The following DGKZ variants were observed in gnomAD, a reference collection of about 807,000 sequenced individuals.
The protein encoded by DGKZ is DAG kinase zeta.
In DGKZ, 45 loss-of-function variants were observed where a neutral mutation model predicts 142.5. The observed-to-expected ratio is 0.32, with a 90% CI of 0.25 to 0.40. DGKZ has a LOEUF of 0.40. Among genes scored for constraint, DGKZ ranks in the 10% least tolerant of loss-of-function variants. The probability of loss-of-function intolerance (pLI) is 1.00; values close to 1 mark genes in which losing one functional copy is unlikely to be tolerated. For missense variants in DGKZ, 755 were observed against 1,306.5 expected, an observed-to-expected ratio of 0.58 and a Z score of 6.51; for synonymous variants, 442 against 527.0, an observed-to-expected ratio of 0.84 and a Z score of 2.21.
At chr11:46,342,234 A>G (rs529804880) in intron 1 of DGKZ, among the ~76,000 whole-genome samples, 2 of 152,144 alleles carry the variant, frequency 1.3e-5, no homozygotes, top group Non-Finnish European at 2.9e-5. Context: ...GGCATCCTCC[A>G]TAGTCCCATG....
Position 46,374,588 on chromosome 11 carries a change from C to T in DGKZ, c.1462-16C>T, listed in dbSNP as rs1590620055. On this transcript the variant is annotated splice_polypyrimidine_tract_variant and intron_variant, in intron 16 of 30. Transcript: ENST00000527911. ...GATCTCTGTCAGCAGATGGTGACGC[C>T]CTCTGTCTCCCACAGACAGCTTTCT... 2 of 1,588,752 alleles carry T rather than the reference C, an allele frequency of 1.3e-6. No individual in the cohort carries two copies. Among genetic ancestry groups the T allele is most frequent in the Non-Finnish European group, 1.7e-6 (2 of 1,165,088 alleles).
At chr11:46,361,992 A>G (rs931229512) in intron 1 of DGKZ, 4 of 152,348 alleles carry the variant, frequency 2.6e-5, no homozygotes, top group African/African-American at 9.7e-5. Flanking sequence ...TTTTGACAGG[A>G]TCCCTGTGGT....
At chr11:46,374,570 G>C in intron 16 of DGKZ, 34 bp from the exon 17 acceptor site, 2 of 1,598,526 alleles carry the variant, frequency 1.3e-6, no homozygotes, top group Non-Finnish European at 1.7e-6. Flanking sequence ...AAAGATCTCT[G>C]TCAGCAGATG....
At chr11:46,376,654 T>A in intron 24 of DGKZ, 90 bp downstream of exon 24, 1 of 1,521,186 alleles carries the variant, frequency 6.6e-7, no homozygotes, top group South Asian at 1.1e-5. Context: ...GCTCCCCCGA[T>A]GGGCTCACCT....
intron 1 of DGKZ, among the ~76,000 whole-genome samples, chr11:46,354,783 C>G (rs1356220837): frequency 6.6e-6 from 1 of 152,224 alleles, no homozygotes; most frequent in Non-Finnish European, 1.5e-5. Flanking sequence ...TGATTTTACT[C>G]TGGTTTAAAT....
upstream of DGKZ, chr11:46,345,528 T>C: frequency 6.6e-7 from 1 of 1,525,416 alleles, no homozygotes. The surrounding 1 kb of genome is among the most constrained non-coding windows in gnomAD (Gnocchi z 4.1). Context: ...CTGAGGCAGA[T>C]GTGGCGCTAC....
rs1270104413 is a variant in DGKZ at position 46,371,793 on chromosome 11, C to T, written c.831+18C>T. The T allele has an allele frequency of 1.2e-6, 2 of 1,610,056 alleles. No individual in the cohort carries two copies. The highest frequency in any genetic ancestry group is 2.7e-5 in the African/African-American group (2 of 74,956). The stretch of plus-strand genomic sequence containing the variant: ...GGCCTGAGGTCAGCCCCAGGCTGGG[C>T]AGAGGCTGCAGGGGAGCAGGAGAGA... On this transcript the variant is annotated intron_variant, in intron 9 of 30. Transcript: ENST00000527911.
intron 1 of DGKZ, among the ~76,000 whole-genome samples, chr11:46,352,464 G>T (rs1010206739): frequency 6.6e-6 from 1 of 152,208 alleles, no homozygotes; most frequent in African/African-American, 2.4e-5. Flanking sequence ...CTGGGTGGGT[G>T]CCTCTAGCCT....
chr11:46,378,894 G>T, intron 27 of DGKZ, 97 bp from the exon 28 acceptor site: 8 of 1,473,800 alleles, frequency 5.4e-6, no homozygotes, highest in Non-Finnish European at 6.3e-6. Flanking sequence ...CTCGTTTCAG[G>T]CCTGTGCTGG....
chr11:46,344,835 G>A (rs1301015365), upstream of DGKZ, among the ~76,000 whole-genome samples: 1 of 152,088 alleles, frequency 6.6e-6, no homozygotes, highest in African/African-American at 2.4e-5. Context: ...TTTGTTTATA[G>A]GCTACCTTGT....
intron 6 of DGKZ, among the ~76,000 whole-genome samples, chr11:46,370,481 G>C (rs1166833892): frequency 1.3e-5 from 2 of 152,230 alleles, no homozygotes; most frequent in African/African-American, 2.4e-5. Flanking sequence ...CAAAGATGGA[G>C]AGGCTTGCTT....
At position 46,377,386 on chromosome 11, in the gene DGKZ, C is replaced by T. The variant is rs906244923; in HGVS notation, c.2342+174C>T. Reference sequence around the variant, plus strand: ...CCCTGTGGTTCTGTGGGGAAGCGGCCTCACGTCCACCCTGGTTCCCTCCCT... The same window carrying T: ...CCCTGTGGTTCTGTGGGGAAGCGGCTTCACGTCCACCCTGGTTCCCTCCCT... On this transcript the variant is annotated intron_variant, in intron 25 of 30. Coordinates refer to ENST00000527911, the Ensembl canonical transcript of DGKZ. 12 of 1,236,572 alleles carry T rather than the reference C, an allele frequency of 9.7e-6. No homozygotes were observed. In the East Asian group the frequency reaches 1.4e-4, roughly 15 times the overall value. The allele number at this position is 1,236,572 out of a possible 1,614,324, so 76.6% of individuals were successfully genotyped here. A position where few individuals can be genotyped will look rare whatever the true frequency, so the allele number is the denominator to read the frequency against.
chr11:46,359,835 C>T (rs1942439890), intron 1 of DGKZ, among the ~76,000 whole-genome samples: 1 of 142,954 alleles, frequency 7.0e-6, no homozygotes, highest in African/African-American at 2.6e-5. Flanking sequence ...CCAGACTGGT[C>T]TCGAACTCCT....
chr11:46,378,479 C>G, exon 27 of DGKZ: 2 of 1,608,022 alleles, frequency 1.2e-6, no homozygotes, highest in Non-Finnish European at 1.7e-6. Flanking sequence ...TTGAGGCTGC[C>G]AAGAGGAACG....
chr11:46,374,208 G>A (rs769293645), exon 15 of DGKZ: 20 of 1,614,108 alleles, frequency 1.2e-5, no homozygotes, highest in Non-Finnish European at 1.6e-5. Context: ...TGACGCCCAC[G>A]TCACCCTGGA....
At chr11:46,376,001 G>A in intron 21 of DGKZ, 50 bp downstream of exon 21, 4 of 1,611,884 alleles carry the variant, frequency 2.5e-6, no homozygotes, top group Non-Finnish European at 3.4e-6. Flanking sequence ...GGCTGAAGCA[G>A]CCGGGGCCCC....
chr11:46,360,954 G>GCCAGAAGAC (rs1942577464), intron 1 of DGKZ, among the ~76,000 whole-genome samples: 1 of 152,176 alleles, frequency 6.6e-6, no homozygotes, highest in South Asian at 2.1e-4. Context: ...GCTTGGCAGA[G>GCCAGAAGAC]CCAGAAGACC....
rs550553175 is a variant in DGKZ, at chr11:46,338,023, T to C, written c.212+4536T>C. Among the ~76,000 whole-genome samples the C allele has an allele frequency of 3.9e-5, 6 of 152,298 alleles. No individual in the cohort carries two copies. In the South Asian group the frequency reaches 1.0e-3, roughly 26 times the overall value. On this transcript the variant is annotated intron_variant, in intron 1 of 30. Transcript: ENST00000343674. Reference sequence around the variant, plus strand: ...ATACAGGGTGAGACAGTAAATACTTTAGGCTTTGCAGGGCACTCGACTCTG... The same window carrying C: ...ATACAGGGTGAGACAGTAAATACTTCAGGCTTTGCAGGGCACTCGACTCTG...
chr11:46,372,293 C>G lies in DGKZ; in HGVS notation c.927+123C>G. 7.5e-7 allele frequency: 1 copy of G among 1,339,182 alleles called. No individual in the cohort carries two copies. The highest frequency in any genetic ancestry group is 1.0e-6 in the Non-Finnish European group (1 of 966,300). The allele number at this position is 1,339,182 out of a possible 1,614,324, so 83.0% of individuals were successfully genotyped here. ...CCCCAATCCCTCTTTCCCAGGGATC[C>G]TGAGAAAATCCTGTCCTTTCTCCAC... On this transcript the variant is annotated intron_variant, in intron 10 of 30. Coordinates refer to ENST00000527911, the Ensembl canonical transcript of DGKZ. This position sits in a 1 kb window ranked among gnomAD's most constrained non-coding sequence, Gnocchi z 5.9.
Sources: allele counts gnomAD v4.1 joint callset (sites outside exome capture counted in the v4.1 genomes callset), GRCh38; gene constraint gnomAD v4.1.1; non-coding constraint Gnocchi (gnomAD v3.1); transcripts MANE v1.5; gene names NCBI Gene and HGNC (gene_info 2026-07-23, HGNC 2026-07-21).